Variants in YWHAE observed in about 807,000 individuals in gnomAD.
YWHAE encodes the protein tyrosine 3-monooxygenase/tryptophan 5-monooxygenase activation protein epsilon.
YWHAE carries 4 observed loss-of-function variants against 30.1 expected under a neutral mutation model. The observed-to-expected ratio is 0.13, with a 90% CI of 0.07 to 0.30. YWHAE has a LOEUF of 0.30. YWHAE is among the 10% of genes least tolerant of loss of function. The probability of loss-of-function intolerance (pLI) is 1.00; values close to 1 mark genes in which losing one functional copy is unlikely to be tolerated. For missense variants in YWHAE, 121 were observed against 315.9 expected (o/e 0.38, Z 4.68); for synonymous variants, 118 against 111.8 (o/e 1.06, Z -0.35).
intron 1 of YWHAE, among the ~76,000 whole-genome samples, chr17:1,393,308 G>C (rs2073416804): frequency 6.7e-6 from 1 of 150,178 alleles, no homozygotes; most frequent in Admixed American, 6.6e-5. Flanking sequence ...GTGACCAAGT[G>C]AGACCCTGTC....
rs570797075 is a variant in YWHAE, at chr17:1,382,080, G to A, written c.65-17022C>T. Among the ~76,000 whole-genome samples, 87 of 151,356 alleles carry A rather than the reference G, an allele frequency of 5.7e-4. 1 individual carries two copies. Among genetic ancestry groups the A allele is most frequent in the African/African-American group, 2.0e-3 (84 of 41,262 alleles). ...TTTGTTTGTTTTGAGATGGAGTCTCGCTCTGTCACCCAGGCTGGAGTGCAG... is the reference window on the plus strand; with the variant it reads ...TTTGTTTGTTTTGAGATGGAGTCTCACTCTGTCACCCAGGCTGGAGTGCAG... On this transcript the variant is annotated intron_variant, in intron 1 of 5. Coordinates refer to ENST00000264335, the MANE Select transcript of YWHAE (RefSeq NM_006761.5).
rs1184799018 is a variant in YWHAE, at chr17:1,344,319, G to C, written c.*1128C>G. ...TAATGATTAAAATAAATACCATGTT[G>C]CTGCCTGGTCTGGAGGACAAGACAC... On this transcript the variant is annotated 3_prime_UTR_variant, in exon 6 of 6. Coordinates refer to ENST00000264335, the MANE Select transcript of YWHAE (RefSeq NM_006761.5). 1 of 163,584 alleles carries C rather than the reference G, an allele frequency of 6.1e-6. No individual in the cohort carries two copies. The highest frequency in any genetic ancestry group is 2.4e-5 in the African/African-American group (1 of 41,728). The allele number at this position is 163,584 out of a possible 1,614,324, so 10.1% of individuals were successfully genotyped here. A position where few individuals can be genotyped will look rare whatever the true frequency, so the allele number is the denominator to read the frequency against.
intron 1 of YWHAE, among the ~76,000 whole-genome samples, chr17:1,390,697 TTA>T (rs1225213657): frequency 6.6e-6 from 1 of 152,208 alleles, no homozygotes. Context: ...GTCATAACTC[TTA>T]CAGTAATGCA....
At chr17:1,361,670 C>A (rs1480904154) in intron 3 of YWHAE, 2 of 463,202 alleles carry the variant, frequency 4.3e-6, no homozygotes, top group East Asian at 6.9e-5. Context: ...GAAATGTATG[C>A]CGTTTGGGGG....
intron 1 of YWHAE, among the ~76,000 whole-genome samples, chr17:1,370,813 G>C (rs2073030297): frequency 6.6e-6 from 1 of 151,916 alleles, no homozygotes; most frequent in South Asian, 2.1e-4. Context: ...TGGCTAACAA[G>C]GTGAAAACCT....
intron 1 of YWHAE, among the ~76,000 whole-genome samples, chr17:1,365,363 A>G (rs924161052): frequency 1.3e-5 from 2 of 152,256 alleles, no homozygotes; most frequent in Admixed American, 1.3e-4. Context: ...ACACCTAACT[A>G]TTTTCCAGCA....
chr17:1,347,036 T>C (rs541573632), intron 5 of YWHAE, among the ~76,000 whole-genome samples: 1 of 139,054 alleles, frequency 7.2e-6, no homozygotes, highest in Non-Finnish European at 1.5e-5. Flanking sequence ...TAAAAAACTA[T>C]GTATGCTGGA....
In YWHAE at chr17:1,361,323, A is replaced by AG. The variant is rs758641931; in HGVS notation, c.372-26_372-25insC. The AG allele has an allele frequency of 2.1e-5, 32 of 1,552,830 alleles. 1 individual carries two copies. The highest frequency in any genetic ancestry group is 3.4e-4 in the Middle Eastern group (2 of 5,806). ...CCTAAAACAAAACCAAAATTAAAAA[A>AG]AAAAAAAAAATTTAAACTAGGAACG... On this transcript the variant is annotated intron_variant, in intron 3 of 5. Transcript: ENST00000264335.
chr17:1,399,317 G>A (rs554495184), intron 1 of YWHAE: 1 of 152,306 alleles, frequency 6.6e-6, no homozygotes, highest in African/African-American at 2.4e-5. Flanking sequence ...AGAAGACGAC[G>A]AGGAGGAAAA....
intron 4 of YWHAE, among the ~76,000 whole-genome samples, chr17:1,358,827 C>CT (rs199642740): frequency 3.3e-5 from 2 of 61,434 alleles, no homozygotes; most frequent in African/African-American, 1.1e-4. Context: ...GAGACTCCAT[C>CT]TTAAAAAAAA....
At chr17:1,348,017 C>T (rs1411661531) in intron 5 of YWHAE, 12 of 1,008,336 alleles carry the variant, frequency 1.2e-5, no homozygotes, top group Non-Finnish European at 1.3e-5. Context: ...ATCTATATTG[C>T]AAGGAAAAAG....
intron 1 of YWHAE, among the ~76,000 whole-genome samples, chr17:1,383,176 C>A (rs1211108080): frequency 1.3e-5 from 2 of 151,772 alleles, no homozygotes; most frequent in Non-Finnish European, 2.9e-5. Flanking sequence ...CATAGAGAAA[C>A]CCCATCTCTA....
chr17:1,355,934 A>T (rs1189311388), intron 4 of YWHAE, among the ~76,000 whole-genome samples: 1 of 151,900 alleles, frequency 6.6e-6, no homozygotes, highest in African/African-American at 2.4e-5. Flanking sequence ...TTTGGGAGGC[A>T]GAAGCGGGCG....
In YWHAE at chr17:1,387,783, C is replaced by T. The variant is rs565912248; in HGVS notation, c.64+12264G>A. Among the ~76,000 whole-genome samples the T allele has an allele frequency of 1.2e-3, 177 of 150,822 alleles. 1 individual carries two copies. The highest frequency in any genetic ancestry group is 4.1e-3 in the African/African-American group (166 of 40,322). On this transcript the variant is annotated intron_variant, in intron 1 of 5. Coordinates refer to ENST00000264335, the MANE Select transcript of YWHAE (RefSeq NM_006761.5). ...GATTACAAGCGCACGCCACCACGCC[C>T]GTCTAATTTTTTGTATATTTAGTAG...
At chr17:1,399,087 T>C (rs1022291326) in intron 1 of YWHAE, 1 of 152,014 alleles carries the variant, frequency 6.6e-6, no homozygotes, top group Non-Finnish European at 1.5e-5. Flanking sequence ...GTCTTCCCAT[T>C]TGTCATCACG....
chr17:1,366,645 A>G (rs2072947247), intron 1 of YWHAE, among the ~76,000 whole-genome samples: 1 of 152,170 alleles, frequency 6.6e-6, no homozygotes, highest in Non-Finnish European at 1.5e-5. Context: ...GTGACTTCAT[A>G]AAACACTACT....
At chr17:1,355,115 TTAAAAAAAAAAAA>T (rs1287152489) in intron 4 of YWHAE, among the ~76,000 whole-genome samples, 809 of 72,348 alleles carry the variant, frequency 0.011, 13 homozygotes, top group Middle Eastern at 0.067. Flanking sequence ...CCAAGATTTT[TTAAAAAAAAAAAA>T]AAAAAAAAAA....
intron 1 of YWHAE, among the ~76,000 whole-genome samples, chr17:1,375,665 T>C (rs560106812): frequency 2.4e-4 from 37 of 152,330 alleles, no homozygotes; most frequent in African/African-American, 8.7e-4. Flanking sequence ...TAATTAAACA[T>C]AGTTAAGTCT....
chr17:1,345,649 A>T (rs750683840), intron 5 of YWHAE, 150 bp from the exon 6 acceptor site: 1 of 749,008 alleles, frequency 1.3e-6, no homozygotes, highest in Non-Finnish European at 2.2e-6. Flanking sequence ...CATCCTTGAC[A>T]CCTGAGATGC....
Sources: gnomAD v4.1 joint callset for allele counts (sites outside exome capture counted in the v4.1 genomes callset) on GRCh38, gnomAD v4.1.1 for gene constraint, MANE v1.5 for transcripts, NCBI Gene and HGNC (gene_info 2026-07-23, HGNC 2026-07-21) for gene names.